Variants in ZC3H7B observed in about 807,000 individuals in gnomAD.
The protein encoded by ZC3H7B is zinc finger CCCH-type containing 7B.
ZC3H7B carries 35 observed loss-of-function variants against 116.0 expected under a neutral mutation model. The observed-to-expected ratio is 0.30, with a 90% CI of 0.23 to 0.40. The LOEUF (loss-of-function observed/expected upper bound fraction) is 0.40. Ranked by LOEUF, ZC3H7B falls within the 10% of genes least tolerant of loss-of-function variation. ZC3H7B has a pLI of 1.00. For synonymous variants in ZC3H7B, 502 were observed against 545.6 expected, an observed-to-expected ratio of 0.92 and a Z score of 1.11; for missense variants, 1,011 against 1,321.5, an observed-to-expected ratio of 0.77 and a Z score of 3.64.
chr22:41,346,226 A>C lies in ZC3H7B; in HGVS notation c.1665+18A>C. 1 of 1,605,224 alleles carries C rather than the reference A, an allele frequency of 6.2e-7. No individual in the cohort carries two copies. On this transcript the variant is annotated intron_variant, in intron 14 of 22. Transcript: ENST00000352645. This position sits in a 1 kb window ranked among gnomAD's most constrained non-coding sequence, Gnocchi z 5.3. ...TCTGCGAGGTACTGCCCACCCACCC[A>C]CTGCCACCCCATAGGCCATGGCACA...
At chr22:41,322,821 G>A (rs963022442) in intron 2 of ZC3H7B, among the ~76,000 whole-genome samples, 10 of 152,044 alleles carry the variant, frequency 6.6e-5, no homozygotes, top group African/African-American at 2.2e-4. Context: ...TCTTTGTGAT[G>A]GGGTCTCCCT....
At chr22:41,356,510 G>T (rs761465351) in intron 21 of ZC3H7B, 34 bp downstream of exon 21, 13 of 1,613,190 alleles carry the variant, frequency 8.1e-6, no homozygotes, top group Middle Eastern at 1.6e-4. Flanking sequence ...CGGGGCTGCG[G>T]TCGGGGCTGT....
chr22:41,337,036 T>C (rs2036456863), intron 7 of ZC3H7B, among the ~76,000 whole-genome samples: 1 of 152,070 alleles, frequency 6.6e-6, no homozygotes, highest in South Asian at 2.1e-4. Context: ...CTTGGGAGGC[T>C]GAGGCAGGAG....
At chr22:41,306,972 TC>T (rs2036050610) in intron 1 of ZC3H7B, among the ~76,000 whole-genome samples, 5 of 134,722 alleles carry the variant, frequency 3.7e-5, no homozygotes, top group African/African-American at 7.6e-5. Flanking sequence ...TCAGCTCCTT[TC>T]TTTTTTTTTT....
chr22:41,352,684 C>T (rs908158744), intron 17 of ZC3H7B, among the ~76,000 whole-genome samples: 3 of 151,126 alleles, frequency 2.0e-5, no homozygotes, highest in African/African-American at 7.3e-5. Flanking sequence ...ATCGTGTGAA[C>T]CCGGGAGGTG....
chr22:41,322,818 G>T (rs1759835823), intron 2 of ZC3H7B, among the ~76,000 whole-genome samples: 1 of 152,094 alleles, frequency 6.6e-6, no homozygotes, highest in Non-Finnish European at 1.5e-5. Flanking sequence ...TTTTCTTTGT[G>T]ATGGGGTCTC....
At position 41,301,934 on chromosome 22, in the gene ZC3H7B, A is replaced by G. The variant is rs185779718; in HGVS notation, c.-7+162A>G. The stretch of plus-strand genomic sequence containing the variant: ...CGGGGCCGCGCGCCGGGCCACCTGG[A>G]AAGTGGGATTTTGCAAAAAATAAAT... On this transcript the variant is annotated intron_variant, in intron 1 of 22. Transcript: ENST00000352645. Among the ~76,000 whole-genome samples the G allele has an allele frequency of 1.1e-3, 170 of 151,938 alleles. 2 individuals are homozygous for G. Among genetic ancestry groups the G allele is most frequent in the East Asian group, 5.7e-3 (29 of 5,090 alleles).
At chr22:41,325,623 A>G in intron 3 of ZC3H7B, 26 bp downstream of exon 3, 1 of 1,611,334 alleles carries the variant, frequency 6.2e-7, no homozygotes. Flanking sequence ...CAGGCTGAGC[A>G]AAGGTGAAGG....
intron 1 of ZC3H7B, among the ~76,000 whole-genome samples, chr22:41,320,438 C>T (rs1417104087): frequency 6.6e-6 from 1 of 151,886 alleles, no homozygotes; most frequent in Non-Finnish European, 1.5e-5. Flanking sequence ...CCCCCTTGTC[C>T]CTTGAGGGTA....
At chr22:41,348,219 C>T in intron 15 of ZC3H7B, 52 bp downstream of exon 15, 1 of 1,520,112 alleles carries the variant, frequency 6.6e-7, no homozygotes, top group Non-Finnish European at 9.1e-7. Context: ...TGGAGAGTCC[C>T]CTCAGGCAGC....
intron 1 of ZC3H7B, among the ~76,000 whole-genome samples, chr22:41,305,383 G>A (rs990757460): frequency 6.6e-6 from 1 of 151,108 alleles, no homozygotes; most frequent in African/African-American, 2.4e-5. Flanking sequence ...GCTGGTGGGT[G>A]CCTGTAATCC....
At chr22:41,329,601 G>C (rs1286058467) in intron 5 of ZC3H7B, among the ~76,000 whole-genome samples, 1 of 152,102 alleles carries the variant, frequency 6.6e-6, no homozygotes, top group Non-Finnish European at 1.5e-5. Context: ...TGCATTCCTA[G>C]AAAAGAGCCC....
Position 41,320,683 on chromosome 22 carries a change from C to T in ZC3H7B, c.23C>T (p.Ala8Val), listed in dbSNP as rs143927027. Residue 8 changes from alanine (A) to valine (V), a missense_variant, in exon 2 of 23, where the codon GCG becomes GTG. Physicochemically the swap from Ala to Val is moderately conservative, Grantham distance 64 (BLOSUM62 0). Transcript: ENST00000352645. Reference sequence around the variant, plus strand: ...CTGATGGAGAGGCAGAAACGGAAGGCGGACATCGAGAAAGGGCTGCAGTTC... The same window carrying T: ...CTGATGGAGAGGCAGAAACGGAAGGTGGACATCGAGAAAGGGCTGCAGTTC... MERQKRK[A>V]DIEKGLQFIQ... is the part of the protein sequence containing the mutation. The T allele has an allele frequency of 1.1e-5, 18 of 1,607,110 alleles. No individual in the cohort carries two copies. The highest frequency in any genetic ancestry group is 1.7e-4 in the Middle Eastern group (1 of 6,050).
In ZC3H7B at chr22:41,346,888, G is replaced by A. The variant is rs571810088; in HGVS notation, c.1665+680G>A. Among the ~76,000 whole-genome samples the A allele has an allele frequency of 3.3e-5, 5 of 151,306 alleles. No individual in the cohort carries two copies. The East Asian group carries it at 5.8e-4, about 18-fold the overall frequency. On this transcript the variant is annotated intron_variant, in intron 14 of 22. Transcript: ENST00000352645. The surrounding 1 kb of genome is among the most constrained non-coding windows in gnomAD (Gnocchi z 5.3). ...TAAGGTGGGAGGATTGATTGCTTGCGTCCAGGAGGTAGAGGCTGCAGTGAG... is the reference window on the plus strand; with the variant it reads ...TAAGGTGGGAGGATTGATTGCTTGCATCCAGGAGGTAGAGGCTGCAGTGAG...
intron 2 of ZC3H7B, among the ~76,000 whole-genome samples, chr22:41,322,149 T>A (rs1423050925): frequency 6.6e-6 from 1 of 150,752 alleles, no homozygotes; most frequent in Non-Finnish European, 1.5e-5. Flanking sequence ...AAAACTCACA[T>A]TCTTTCTATT....
At chr22:41,332,482 G>A (rs2036395843) in intron 7 of ZC3H7B, 1 of 466,314 alleles carries the variant, frequency 2.1e-6, no homozygotes, top group Non-Finnish European at 3.8e-6. Context: ...GGGCAGCCTG[G>A]TCCCACACGC....
rs1228893650 is a variant in ZC3H7B, at chr22:41,358,257, C to G, written c.*828C>G. On this transcript the variant is annotated 3_prime_UTR_variant, in exon 23 of 23. Coordinates refer to ENST00000352645, the MANE Select transcript of ZC3H7B (RefSeq NM_017590.6). Reference sequence around the variant, plus strand: ...CAATTATTGGCTGAGCCCACGGTCCCCTCAGCAGGGATGCGATGGTCTCTG... The same window carrying G: ...CAATTATTGGCTGAGCCCACGGTCCGCTCAGCAGGGATGCGATGGTCTCTG... 6.6e-6 allele frequency: 1 copy of G among 152,198 alleles called. No homozygotes were observed. The highest frequency in any genetic ancestry group is 1.5e-5 in the Non-Finnish European group (1 of 68,084). 9.4% of individuals were successfully genotyped at this position (152,198 alleles called of 1,614,324 possible). A position where few individuals can be genotyped will look rare whatever the true frequency, so the allele number is the denominator to read the frequency against.
intron 5 of ZC3H7B, among the ~76,000 whole-genome samples, chr22:41,328,952 C>T (rs1191335476): frequency 2.0e-5 from 3 of 148,526 alleles, no homozygotes; most frequent in South Asian, 2.1e-4. Context: ...TTTGGGAGGC[C>T]GAGGCGGGTG....
chr22:41,307,401 G>A (rs914100883), intron 1 of ZC3H7B, among the ~76,000 whole-genome samples: 3 of 152,190 alleles, frequency 2.0e-5, no homozygotes, highest in African/African-American at 7.2e-5. Context: ...TTTCTTTGCA[G>A]GCATGTTGGT....
Sources: gnomAD v4.1 joint callset for allele counts (sites outside exome capture counted in the v4.1 genomes callset) on GRCh38, gnomAD v4.1.1 for gene constraint, Gnocchi (gnomAD v3.1) non-coding constraint, MANE v1.5 for transcripts, NCBI Gene and HGNC (gene_info 2026-07-23, HGNC 2026-07-21) for gene names.